KHDRBS2: variants seen among roughly 807,000 people sequenced by gnomAD.
The protein encoded by KHDRBS2 is KH RNA binding domain containing, signal transduction associated 2.
A neutral mutation model predicts 44.3 loss-of-function variants in KHDRBS2; 26 were observed. The observed-to-expected ratio is 0.59, with a 90% CI of 0.43 to 0.81. The LOEUF is 0.81. Among genes scored for constraint, KHDRBS2 ranks in the 40% least tolerant of loss-of-function variants. The pLI is 0.00. For missense variants in KHDRBS2, 476 were observed against 433.1 expected (o/e 1.10, Z -0.88); for synonymous variants, 194 against 151.1 (o/e 1.28, Z -2.08).
At chr6:62,249,098 G>C (rs1037152668) in intron 1 of KHDRBS2, among the ~76,000 whole-genome samples, 1 of 152,096 alleles carries the variant, frequency 6.6e-6, no homozygotes, top group Non-Finnish European at 1.5e-5. Context: ...TGTTTCAAAA[G>C]ATGCTTTGAA....
rs78981881 is a variant in KHDRBS2, at chr6:62,218,201, G to T, written c.92-40889C>A. ...ATACCAAAAGAAAGCAGCCCTCAAT[G>T]GATGGTAGCCAGGCTGCTAGTCATC... is the stretch of plus-strand genomic sequence containing the variant. On this transcript the variant is annotated intron_variant, in intron 1 of 8. Transcript: ENST00000281156. 1.9e-3 allele frequency among the ~76,000 whole-genome samples: 293 copies of T among 151,972 alleles called. 4 individuals carry two copies. The highest frequency in any genetic ancestry group is 6.8e-3 in the African/African-American group (283 of 41,528).
At chr6:62,054,952 G>A (rs1278470397) in intron 2 of KHDRBS2, among the ~76,000 whole-genome samples, 1 of 152,008 alleles carries the variant, frequency 6.6e-6, no homozygotes. Flanking sequence ...GCTATCCATA[G>A]TAAGAGAAAT....
At chr6:61,776,067 C>T (rs1227803469) in intron 6 of KHDRBS2, among the ~76,000 whole-genome samples, 4 of 152,110 alleles carry the variant, frequency 2.6e-5, no homozygotes, top group African/African-American at 9.7e-5. Flanking sequence ...ATAAATGGTG[C>T]TGGGAAAACT....
chr6:61,875,298 T>C (rs1205756505), intron 6 of KHDRBS2, among the ~76,000 whole-genome samples: 3 of 151,594 alleles, frequency 2.0e-5, no homozygotes, highest in East Asian at 1.9e-4. Flanking sequence ...GCACAGTAAA[T>C]AGAACAGGCC....
intron 4 of KHDRBS2, among the ~76,000 whole-genome samples, chr6:61,951,850 G>T (rs1516716): frequency 0.34 from 51,938 of 151,572 alleles, 9,057 homozygotes; most frequent in Middle Eastern, 0.41. Context: ...TTTTTTAGTT[G>T]GCATGCTGTC....
intron 6 of KHDRBS2, among the ~76,000 whole-genome samples, chr6:61,819,757 T>G (rs1229271400): frequency 6.6e-6 from 1 of 151,960 alleles, no homozygotes. Context: ...ATTGATGATG[T>G]TAAGAGATTT....
chr6:61,923,434 G>A (rs1304230206), intron 4 of KHDRBS2, among the ~76,000 whole-genome samples: 1 of 152,020 alleles, frequency 6.6e-6, no homozygotes, highest in African/African-American at 2.4e-5. Flanking sequence ...GAAGATATAT[G>A]TAGTGGATAC....
chr6:61,954,466 C>G (rs1442605800), intron 4 of KHDRBS2, among the ~76,000 whole-genome samples: 1 of 140,146 alleles, frequency 7.1e-6, no homozygotes, highest in African/African-American at 2.6e-5. Context: ...TGTATGTATA[C>G]GTATGTGTAT....
the KHDRBS2 span, among the ~76,000 whole-genome samples, chr6:61,610,601 A>G: frequency 6.6e-6 from 1 of 152,152 alleles, no homozygotes; most frequent in Non-Finnish European, 1.5e-5. Context: ...GTTCCTCACC[A>G]TGTGGACCTC....
intron 3 of KHDRBS2, 127 bp from the exon 4 acceptor site, chr6:61,978,339 AAAG>A: frequency 1.6e-6 from 1 of 618,138 alleles, no homozygotes; most frequent in Non-Finnish European, 2.7e-6. Flanking sequence ...TAATTTTCTC[AAAG>A]AAACCCTTTG....
At chr6:61,764,152 A>T (rs1313473735) in intron 6 of KHDRBS2, among the ~76,000 whole-genome samples, 1 of 152,180 alleles carries the variant, frequency 6.6e-6, no homozygotes, top group African/African-American at 2.4e-5. Context: ...GTCCCTGCAA[A>T]AACATGAGCT....
At chr6:61,609,150 G>C in the KHDRBS2 span, among the ~76,000 whole-genome samples, 1 of 152,164 alleles carries the variant, frequency 6.6e-6, no homozygotes, top group Admixed American at 6.5e-5. Flanking sequence ...TTGAGGTCAG[G>C]AGTTCGAGAC....
the KHDRBS2 span, among the ~76,000 whole-genome samples, chr6:61,584,038 T>C: frequency 0.17 from 25,959 of 151,676 alleles, 2,448 homozygotes; most frequent in East Asian, 0.29. Context: ...TAAATACAAC[T>C]GATATTTATA....
chr6:62,138,860 G>GA (rs1812136091), intron 2 of KHDRBS2, among the ~76,000 whole-genome samples: 1 of 151,890 alleles, frequency 6.6e-6, no homozygotes, highest in Admixed American at 6.6e-5. Flanking sequence ...CATCTTCAGT[G>GA]TTTTATCTTA....
chr6:61,669,811 A>G, the KHDRBS2 span, among the ~76,000 whole-genome samples: 1 of 151,074 alleles, frequency 6.6e-6, no homozygotes, highest in South Asian at 2.1e-4. Context: ...TAGAGTGTGT[A>G]CTATGGATTA....
At chr6:61,650,210 C>T in the KHDRBS2 span, among the ~76,000 whole-genome samples, 1 of 152,046 alleles carries the variant, frequency 6.6e-6, no homozygotes, top group African/African-American at 2.4e-5. Context: ...ATGTAATTTG[C>T]CTAACACTTC....
At chr6:62,040,485 A>G (rs1290598266) in intron 3 of KHDRBS2, among the ~76,000 whole-genome samples, 1 of 152,080 alleles carries the variant, frequency 6.6e-6, no homozygotes, top group East Asian at 1.9e-4. Flanking sequence ...TACCATGAAT[A>G]CAGCTTGCAT....
the KHDRBS2 span, among the ~76,000 whole-genome samples, chr6:61,590,196 T>C: frequency 3.2e-4 from 49 of 152,298 alleles, no homozygotes; most frequent in African/African-American, 1.1e-3. Context: ...AAAAATAAGT[T>C]GCAATAATGA....
At chr6:62,071,895 G>C (rs1208524297) in intron 2 of KHDRBS2, among the ~76,000 whole-genome samples, 3 of 152,144 alleles carry the variant, frequency 2.0e-5, no homozygotes, top group Non-Finnish European at 4.4e-5. Context: ...TTGGTAGCTT[G>C]ATGGGGATGG....
Sources: allele counts gnomAD v4.1 joint callset (sites outside exome capture counted in the v4.1 genomes callset), GRCh38; gene constraint gnomAD v4.1.1; transcripts MANE v1.5; gene names NCBI Gene and HGNC (gene_info 2026-07-23, HGNC 2026-07-21).